The following LDAF1 variants were observed in gnomAD, a reference collection of about 807,000 sequenced individuals.
The protein encoded by LDAF1 is PROMETHIN.
In LDAF1, 7 loss-of-function variants were observed where a neutral mutation model predicts 13.5. The ratio of observed to expected loss-of-function variants is 0.52; its 90% CI spans 0.29 to 0.97. The LOEUF is 0.97. Ranked by LOEUF, LDAF1 falls within the 50% of genes least tolerant of loss-of-function variation. The probability of loss-of-function intolerance (pLI) is 0.07; values close to 1 mark genes in which losing one functional copy is unlikely to be tolerated. For synonymous variants in LDAF1, 69 were observed against 77.1 expected (o/e 0.89, Z 0.55); for missense variants, 148 against 193.2 (o/e 0.77, Z 1.39).
chr16:21,159,801 GC>G, intron 1 of LDAF1: 4 of 523,546 alleles, frequency 7.6e-6, no homozygotes, highest in Non-Finnish European at 9.8e-6. Context: ...GGTCTGGGTG[GC>G]ACTTGAGGCT....
Position 21,174,077 on chromosome 16 carries a change from C to T in LDAF1, c.333C>T (p.Leu111=), listed in dbSNP as rs533371685. ...CILCGLGFVS[L]AMSGMMIASY... ...TCTGTGGTTTGGGCTTCGTATCACT[C>T]GCCATGTCGGGGATGATGATAGCAT... Residue 111 remains leucine (L), a synonymous_variant, in exon 4 of 5, where the codon CTC becomes CTT. Coordinates refer to ENST00000233047, the MANE Select transcript of LDAF1 (RefSeq NM_001301771.2). 14 of 1,614,000 alleles carry T rather than the reference C, an allele frequency of 8.7e-6. No homozygotes were observed. The highest frequency in any genetic ancestry group is 5.3e-5 in the African/African-American group (4 of 74,930).
intron 1 of LDAF1, chr16:21,159,429 C>T (rs1375814513): frequency 6.2e-7 from 1 of 1,613,946 alleles, no homozygotes; most frequent in Non-Finnish European, 8.5e-7. Context: ...TCGAGGCGCC[C>T]TGTAGCTCCC....
At chr16:21,160,551 C>G (rs982470145) in intron 1 of LDAF1, among the ~76,000 whole-genome samples, 10 of 152,060 alleles carry the variant, frequency 6.6e-5, no homozygotes, top group Admixed American at 3.9e-4. Context: ...TACTGTTGTA[C>G]AAGGAAAGCT....
At chr16:21,176,156 T>G (rs184186437) in intron 4 of LDAF1, among the ~76,000 whole-genome samples, 1 of 152,314 alleles carries the variant, frequency 6.6e-6, no homozygotes, top group East Asian at 1.9e-4. Context: ...CAGGGTGAGT[T>G]CTTAAAGATT....
chr16:21,162,763 T>C (rs1464439196), intron 2 of LDAF1, among the ~76,000 whole-genome samples: 1 of 152,228 alleles, frequency 6.6e-6, no homozygotes, highest in East Asian at 1.9e-4. Flanking sequence ...CGGGGACTCT[T>C]GTTATTAAAA....
chr16:21,177,519 G>T (rs1249694658), intron 4 of LDAF1, among the ~76,000 whole-genome samples: 1 of 151,840 alleles, frequency 6.6e-6, no homozygotes, highest in Non-Finnish European at 1.5e-5. Flanking sequence ...TTGAAAAATT[G>T]CACTGTTCCC....
chr16:21,176,226 A>T (rs2093137580), intron 4 of LDAF1, among the ~76,000 whole-genome samples: 1 of 152,184 alleles, frequency 6.6e-6, no homozygotes, highest in Non-Finnish European at 1.5e-5. Context: ...TTGAAAAACA[A>T]ATCCAGGATT....
chr16:21,170,932 C>T (rs943032388), intron 3 of LDAF1, among the ~76,000 whole-genome samples: 2 of 152,248 alleles, frequency 1.3e-5, no homozygotes, highest in African/African-American at 4.8e-5. Flanking sequence ...GTTTACCTCT[C>T]TGAGCCTTAA....
intron 2 of LDAF1, among the ~76,000 whole-genome samples, chr16:21,164,709 T>G (rs993268012): frequency 6.6e-6 from 1 of 152,230 alleles, no homozygotes; most frequent in African/African-American, 2.4e-5. Flanking sequence ...TGCACTGTGC[T>G]TACAGAGCCT....
intron 4 of LDAF1, 95 bp downstream of exon 4, chr16:21,174,243 G>GA: frequency 8.2e-7 from 1 of 1,212,168 alleles, no homozygotes; most frequent in Non-Finnish European, 1.1e-6. Flanking sequence ...AGGCTGGAGT[G>GA]CAGTGGCATG....
rs142124213 is a variant in LDAF1 at position 21,174,350 on chromosome 16, C to A, written c.404+202C>A. Reference sequence around the variant, plus strand: ...GGCTACAGGTGCATGCCATCATGCCCGGCTAATTTTAATATTTTTTATTTT... The same window carrying A: ...GGCTACAGGTGCATGCCATCATGCCAGGCTAATTTTAATATTTTTTATTTT... On this transcript the variant is annotated intron_variant, in intron 4 of 4. Coordinates refer to ENST00000233047, the MANE Select transcript of LDAF1 (RefSeq NM_001301771.2). Among the ~76,000 whole-genome samples, 535 of 152,014 alleles carry A rather than the reference C, an allele frequency of 3.5e-3. 4 individuals are homozygous for A. Among genetic ancestry groups the A allele is most frequent in the African/African-American group, 0.012 (501 of 41,462 alleles).
intron 4 of LDAF1, chr16:21,179,272 G>C (rs1301245227): frequency 2.7e-6 from 2 of 744,312 alleles, no homozygotes; most frequent in African/African-American, 3.8e-5. Context: ...TGGAAAAGGG[G>C]CCGTAACCCT....
At position 21,174,066 on chromosome 16, in the gene LDAF1, T is replaced by C; in HGVS notation, c.322T>C (p.Phe108Leu). 3.1e-6 allele frequency: 5 copies of C among 1,614,160 alleles called. No individual in the cohort carries two copies. Among genetic ancestry groups the C allele is most frequent in the Non-Finnish European group, 4.2e-6 (5 of 1,180,012 alleles). ...GCTCTGCATCCTCTGTGGTTTGGGC[T>C]TCGTATCACTCGCCATGTCGGGGAT... Reference protein sequence around the residue: ...SLLCILCGLGFVSLAMSGMMI... With the variant: ...SLLCILCGLGLVSLAMSGMMI... Residue 108 changes from phenylalanine (F) to leucine (L), a missense_variant, in exon 4 of 5, where the codon TTC becomes CTC. Physicochemically the swap from Phe to Leu is conservative, Grantham distance 22. Coordinates refer to ENST00000233047, the MANE Select transcript of LDAF1 (RefSeq NM_001301771.2).
intron 1 of LDAF1, chr16:21,159,296 G>A (rs746604596): frequency 3.2e-6 from 5 of 1,583,444 alleles, no homozygotes; most frequent in East Asian, 4.5e-5. Context: ...CAGTCTCTGT[G>A]CCTTCTGGGA....
chr16:21,161,847 A>T (rs1462474303), intron 2 of LDAF1, among the ~76,000 whole-genome samples: 1 of 152,202 alleles, frequency 6.6e-6, no homozygotes, highest in Admixed American at 6.6e-5. Flanking sequence ...ACATGTAAGA[A>T]GTAAAAAGAA....
rs999686996 is a variant in LDAF1 at position 21,179,672 on chromosome 16, T to C, written c.*116T>C. On this transcript the variant is annotated 3_prime_UTR_variant, in exon 5 of 5. Transcript: ENST00000233047. Reference sequence around the variant, plus strand: ...GCAAGCACTCCTTGGCTGTGTCCTCTCGCTTTTTCACTTACTTGTAGGATC... The same window carrying C: ...GCAAGCACTCCTTGGCTGTGTCCTCCCGCTTTTTCACTTACTTGTAGGATC... 2 of 848,960 alleles carry C rather than the reference T, an allele frequency of 2.4e-6. No homozygotes were observed. The highest frequency in any genetic ancestry group is 5.5e-5 in the Admixed American group (2 of 36,216). The allele number at this position is 848,960 out of a possible 1,614,324, so 52.6% of individuals were successfully genotyped here. A position where few individuals can be genotyped will look rare whatever the true frequency, so the allele number is the denominator to read the frequency against.
Position 21,161,413 on chromosome 16 carries a change from A to G in LDAF1, c.96+135A>G, listed in dbSNP as rs535122111. On this transcript the variant is annotated intron_variant, in intron 2 of 4. Coordinates refer to ENST00000233047, the MANE Select transcript of LDAF1 (RefSeq NM_001301771.2). ...AATCTTTCTGGCTTACCGCCCTGCC[A>G]TGTCTATGCTGTGACCTTCAAACTC... 19 of 1,073,982 alleles carry G rather than the reference A, an allele frequency of 1.8e-5. No individual in the cohort carries two copies. In the African/African-American group the frequency reaches 1.9e-4, roughly 11 times the overall value. 66.5% of individuals were successfully genotyped at this position (1,073,982 alleles called of 1,614,324 possible). A position where few individuals can be genotyped will look rare whatever the true frequency, so the allele number is the denominator to read the frequency against.
At chr16:21,179,396 T>C (rs2152852233) in intron 4 of LDAF1, 79 bp from the exon 5 acceptor site, 1 of 1,611,128 alleles carries the variant, frequency 6.2e-7, no homozygotes, top group Non-Finnish European at 8.5e-7. Context: ...AAGAACATCA[T>C]GTATTCAGCT....
Position 21,170,548 on chromosome 16 carries a change from C to T in LDAF1, c.208C>T (p.Leu70=), listed in dbSNP as rs1369395400. ...VMSAVPVGFF[L]LIVVLTTLAA... ...GTCGGCCGTTCCTGTTGGATTCTTC[C>T]TGCTCATCGTGGTGCTTACCACCCT... The change falls in exon 3 of 5, where the codon CTG becomes TTG. Residue 70 remains leucine, a synonymous_variant. Coordinates refer to ENST00000233047, the MANE Select transcript of LDAF1 (RefSeq NM_001301771.2). The T allele has an allele frequency of 6.2e-7, 1 of 1,614,206 alleles. No individual in the cohort carries two copies. The highest frequency in any genetic ancestry group is 8.5e-7 in the Non-Finnish European group (1 of 1,180,040).
Sources: gnomAD v4.1 joint callset for allele counts (sites outside exome capture counted in the v4.1 genomes callset) on GRCh38, gnomAD v4.1.1 for gene constraint, MANE v1.5 for transcripts, NCBI Gene and HGNC (gene_info 2026-07-23, HGNC 2026-07-21) for gene names.